Variants in LRRIQ4 observed in about 807,000 individuals in gnomAD.
The protein encoded by LRRIQ4 is leucine-rich repeat and IQ domain-containing protein 4.
In LRRIQ4, 21 loss-of-function variants were observed where a neutral mutation model predicts 40.1. That is an observed-to-expected ratio of 0.52 (90% CI 0.37 to 0.75). LRRIQ4 has a LOEUF of 0.75. Among genes scored for constraint, LRRIQ4 ranks in the 30% least tolerant of loss-of-function variants. LRRIQ4 has a pLI of 0.00. For synonymous variants in LRRIQ4, 277 were observed against 277.1 expected, an observed-to-expected ratio of 1.00 and a Z score of 0.00; for missense variants, 655 against 660.0, an observed-to-expected ratio of 0.99 and a Z score of 0.08.
intron 4 of LRRIQ4, among the ~76,000 whole-genome samples, chr3:169,831,582 G>A (rs1186543561): frequency 2.0e-5 from 3 of 146,488 alleles, no homozygotes; most frequent in South Asian, 2.2e-4. Flanking sequence ...AATTACAGGC[G>A]TGAGCCACCG....
chr3:169,823,079 A>T, intron 2 of LRRIQ4, 138 bp downstream of exon 2: 1 of 672,040 alleles, frequency 1.5e-6, no homozygotes, highest in Non-Finnish European at 2.4e-6. Flanking sequence ...CAACAAGGTG[A>T]TACTTTGTAT....
At chr3:169,831,821 G>A (rs925994735) in intron 4 of LRRIQ4, among the ~76,000 whole-genome samples, 60 of 151,586 alleles carry the variant, frequency 4.0e-4, no homozygotes, top group African/African-American at 1.4e-3. Context: ...TACAAAATTA[G>A]CTGAGTGTGA....
intron 5 of LRRIQ4, among the ~76,000 whole-genome samples, chr3:169,836,567 G>A (rs996231229): frequency 6.6e-6 from 1 of 152,130 alleles, no homozygotes; most frequent in African/African-American, 2.4e-5. Flanking sequence ...ATCTCATCAT[G>A]AGGACCCTGC....
chr3:169,835,797 T>C (rs1300325301), intron 5 of LRRIQ4, among the ~76,000 whole-genome samples: 1 of 152,094 alleles, frequency 6.6e-6, no homozygotes, highest in Non-Finnish European at 1.5e-5. Flanking sequence ...GCAGATCTGG[T>C]GTTCCTCCAA....
intron 4 of LRRIQ4, among the ~76,000 whole-genome samples, chr3:169,831,653 TGCCTACTC>T (rs1780181027): frequency 6.6e-6 from 1 of 150,580 alleles, no homozygotes; most frequent in South Asian, 2.1e-4. Flanking sequence ...TGGAAGCTGA[TGCCTACTC>T]ATAAGGCATT....
intron 4 of LRRIQ4, among the ~76,000 whole-genome samples, chr3:169,831,596 CT>C (rs1780179663): frequency 6.7e-6 from 1 of 149,412 alleles, no homozygotes; most frequent in Non-Finnish European, 1.5e-5. Flanking sequence ...GCCACCGTGC[CT>C]GGCCCAAACT....
At chr3:169,831,292 A>C (rs1440953232) in intron 4 of LRRIQ4, among the ~76,000 whole-genome samples, 1 of 44,530 alleles carries the variant, frequency 2.2e-5, no homozygotes. Flanking sequence ...TTTTTTTTTT[A>C]AGACAGAGTC....
At chr3:169,821,475 T>C (rs561186746) in intron 1 of LRRIQ4, among the ~76,000 whole-genome samples, 2 of 137,476 alleles carry the variant, frequency 1.5e-5, no homozygotes, top group African/African-American at 5.1e-5. Context: ...CTACTAAAAT[T>C]ACAAAAAAAT....
intron 1 of LRRIQ4, among the ~76,000 whole-genome samples, chr3:169,815,434 G>T (rs1327107597): frequency 6.6e-6 from 1 of 151,980 alleles, no homozygotes; most frequent in Non-Finnish European, 1.5e-5. Flanking sequence ...TACTTTTTCT[G>T]ATTGTTTGCT....
At chr3:169,834,277 G>A (rs9827115) in intron 5 of LRRIQ4, among the ~76,000 whole-genome samples, 2,351 of 152,176 alleles carry the variant, frequency 0.015, 67 homozygotes, top group African/African-American at 0.054. Flanking sequence ...CAGGAGAATC[G>A]CTTGAACCCA....
At position 169,828,889 on chromosome 3, in the gene LRRIQ4, G is replaced by T. The variant is rs373711588; in HGVS notation, c.1151G>T (p.Gly384Val). The change falls in exon 3 of 6, where the codon GGA becomes GTA. Residue 384 changes from glycine (G) to valine (V), a missense_variant. Transcript: ENST00000340806. The part of the protein sequence containing the change: ...LEKLYIGQDQ[G>V]FKLTYVPEHI... ...AAATTATACATTGGGCAAGACCAGGGATTCAAACTTACCTATGTGCCAGAA... is the reference window on the plus strand; with the variant it reads ...AAATTATACATTGGGCAAGACCAGGTATTCAAACTTACCTATGTGCCAGAA... 12 of 1,613,510 alleles carry T rather than the reference G, an allele frequency of 7.4e-6. No homozygotes were observed. In the African/African-American group the frequency reaches 1.3e-4, roughly 18 times the overall value.
At chr3:169,835,019 T>G (rs915283323) in intron 5 of LRRIQ4, among the ~76,000 whole-genome samples, 5 of 152,150 alleles carry the variant, frequency 3.3e-5, no homozygotes, top group African/African-American at 1.2e-4. Flanking sequence ...TATTGATGAT[T>G]ATTAGAATAA....
intron 3 of LRRIQ4, 30 bp from the exon 4 acceptor site, chr3:169,830,462 T>C: frequency 7.8e-6 from 11 of 1,417,892 alleles, no homozygotes; most frequent in East Asian, 2.9e-5. Context: ...AATCAAGGTA[T>C]ATTATTATGG....
chr3:169,830,612 G>A lies in LRRIQ4; in HGVS notation c.1315G>A (p.Ala439Thr). Residue 439 changes from alanine to threonine, a missense_variant, in exon 4 of 6, where the codon GCC becomes ACC. Ala to Thr is a moderately conservative substitution (Grantham distance 58, BLOSUM62 0). Coordinates refer to ENST00000340806, the MANE Select transcript of LRRIQ4 (RefSeq NM_001080460.3). ...RHNLLKQLPDAICQAQALKEL... is the reference protein window; with the variant it reads ...RHNLLKQLPDTICQAQALKEL... ...CAATTTGCTTAAGCAACTTCCAGAT[G>A]CCATTTGCCAAGCACAAGGTGAGGA... The A allele has an allele frequency of 6.2e-7, 1 of 1,613,812 alleles. No individual in the cohort carries two copies. The highest frequency in any genetic ancestry group is 8.5e-7 in the Non-Finnish European group (1 of 1,179,854).
chr3:169,831,584 G>A (rs942183630), intron 4 of LRRIQ4, among the ~76,000 whole-genome samples: 2 of 146,886 alleles, frequency 1.4e-5, no homozygotes, highest in Non-Finnish European at 3.0e-5. Flanking sequence ...TTACAGGCGT[G>A]AGCCACCGTG....
At chr3:169,826,733 C>A (rs1294021770) in intron 2 of LRRIQ4, among the ~76,000 whole-genome samples, 1 of 152,146 alleles carries the variant, frequency 6.6e-6, no homozygotes, top group African/African-American at 2.4e-5. Flanking sequence ...TTGGACTGCA[C>A]AGAATGCAGG....
At chr3:169,829,505 T>C (rs1441996346) in intron 3 of LRRIQ4, among the ~76,000 whole-genome samples, 1 of 142,822 alleles carries the variant, frequency 7.0e-6, no homozygotes, top group Admixed American at 7.1e-5. Flanking sequence ...TTTTTTTTCA[T>C]GTTCCTGTTG....
At chr3:169,825,063 A>G (rs1780010904) in intron 2 of LRRIQ4, among the ~76,000 whole-genome samples, 1 of 148,242 alleles carries the variant, frequency 6.7e-6, no homozygotes, top group African/African-American at 2.5e-5. Flanking sequence ...GCTGGAGTAC[A>G]ATGGCGCCAT....
chr3:169,837,429 G>T, intron 5 of LRRIQ4, 50 bp from the exon 6 acceptor site: 1 of 1,558,944 alleles, frequency 6.4e-7, no homozygotes, highest in Non-Finnish European at 8.6e-7. Context: ...ACAATTTCCA[G>T]TTCATTGTGA....
Sources: allele counts gnomAD v4.1 joint callset (sites outside exome capture counted in the v4.1 genomes callset), GRCh38; gene constraint gnomAD v4.1.1; transcripts MANE v1.5; gene names NCBI Gene and HGNC (gene_info 2026-07-23, HGNC 2026-07-21).